LINGO3: variants seen among roughly 807,000 people sequenced by gnomAD.
The protein encoded by LINGO3 is leucine-rich repeat and immunoglobulin-like domain-containing nogo receptor-interacting protein 3.
For missense variants in LINGO3, 750 were observed against 867.7 expected (o/e 0.86, Z 1.70); for synonymous variants, 427 against 444.2 (o/e 0.96, Z 0.49).
the LINGO3 span, among the ~76,000 whole-genome samples, chr19:2,300,044 T>TTC: frequency 4.7e-5 from 7 of 147,862 alleles, no homozygotes; most frequent in Admixed American, 2.0e-4. Context: ...TTTTTTTTTT[T>TTC]TATTGAGTCG....
chr19:2,296,911 A>AC (rs2025577929), upstream of LINGO3, among the ~76,000 whole-genome samples: 1 of 145,108 alleles, frequency 6.9e-6, no homozygotes, highest in South Asian at 2.5e-4. Flanking sequence ...ACATGGTGAA[A>AC]CCCCGTCTCT....
Position 2,290,605 on chromosome 19 carries a change from C to T in LINGO3, c.1172G>A (p.Arg391Gln). The T allele has an allele frequency of 6.3e-7, 1 of 1,587,346 alleles. No homozygotes were observed. Among genetic ancestry groups the T allele is most frequent in the Non-Finnish European group, 8.5e-7 (1 of 1,172,040 alleles). The change falls in exon 1 of 1, where the codon CGA (arginine) becomes CAA (glutamine). Residue 391 changes from arginine (R) to glutamine (Q), a missense_variant. Arg to Gln is a conservative substitution (Grantham distance 43). Coordinates refer to ENST00000585527, the Ensembl canonical transcript of LINGO3. The surrounding 1 kb of genome is among the most constrained non-coding windows in gnomAD (Gnocchi z 6.0). Reference sequence around the variant, plus strand: ...GAACAGCACGGAGTCCGGCAGGTTTCGCAGCGCGTCGCCGCGCACCTCGGC... The same window carrying T: ...GAACAGCACGGAGTCCGGCAGGTTTTGCAGCGCGTCGCCGCGCACCTCGGC...
the LINGO3 span, among the ~76,000 whole-genome samples, chr19:2,299,526 C>T: frequency 6.6e-6 from 1 of 151,058 alleles, no homozygotes; most frequent in African/African-American, 2.4e-5. Flanking sequence ...CATGTTCAAG[C>T]AATTCTCCTG....
the LINGO3 span, among the ~76,000 whole-genome samples, chr19:2,305,494 C>T: frequency 1.3e-5 from 2 of 152,168 alleles, no homozygotes; most frequent in Non-Finnish European, 1.5e-5. Context: ...CTTCCCTCAG[C>T]TCCTGGCTAA....
At chr19:2,297,866 A>C in the LINGO3 span, among the ~76,000 whole-genome samples, 1 of 151,578 alleles carries the variant, frequency 6.6e-6, no homozygotes, top group East Asian at 1.9e-4. Flanking sequence ...CGGCCTCCCA[A>C]AGTGCTGGAA....
chr19:2,303,327 C>T, the LINGO3 span, among the ~76,000 whole-genome samples: 1 of 148,054 alleles, frequency 6.8e-6, no homozygotes, highest in African/African-American at 2.5e-5. Context: ...CTGAAAAAAG[C>T]GCTGAGGAGC....
upstream of LINGO3, among the ~76,000 whole-genome samples, chr19:2,292,650 C>T (rs909309161): frequency 4.6e-5 from 7 of 151,150 alleles, no homozygotes; most frequent in South Asian, 2.1e-4. Context: ...CCACCACGTC[C>T]GGCTAATTTT....
In LINGO3 at chr19:2,290,759, A is replaced by G; in HGVS notation, c.1018T>C (p.Ser340Pro). 6.2e-7 allele frequency: 1 copy of G among 1,612,642 alleles called. No individual in the cohort carries two copies. The highest frequency in any genetic ancestry group is 8.5e-7 in the Non-Finnish European group (1 of 1,179,592). ...CGCAGCGTCTCTAGCGTGTTCACCGAGTGGAAGGTGCTCTCCTCCAACGTG... is the reference window on the plus strand; with the variant it reads ...CGCAGCGTCTCTAGCGTGTTCACCGGGTGGAAGGTGCTCTCCTCCAACGTG... The change falls in exon 1 of 1, where the codon TCG (serine) becomes CCG (proline). Residue 340 changes from serine to proline, a missense_variant. Ser to Pro is a moderately conservative substitution (Grantham distance 74). Coordinates refer to ENST00000585527, the Ensembl canonical transcript of LINGO3. The surrounding 1 kb of genome is among the most constrained non-coding windows in gnomAD (Gnocchi z 6.0).
Position 2,291,826 on chromosome 19 carries a change from C to T in LINGO3, c.-50G>A, listed in dbSNP as rs2025527640. 4.2e-6 allele frequency: 6 copies of T among 1,426,094 alleles called. No individual in the cohort carries two copies. The highest frequency in any genetic ancestry group is 2.2e-4 in the Middle Eastern group (1 of 4,462). 88.3% of individuals were successfully genotyped at this position (1,426,094 alleles called of 1,614,324 possible). A position where few individuals can be genotyped will look rare whatever the true frequency, so the allele number is the denominator to read the frequency against. On this transcript the variant is annotated 5_prime_UTR_variant, in exon 1 of 1. Coordinates refer to ENST00000585527, the Ensembl canonical transcript of LINGO3. ...GCGCCACCATCCTCCTGCGCACCTGCGGGCGGGCGGGGAGCGGGCAGCGTT... is the reference window on the plus strand; with the variant it reads ...GCGCCACCATCCTCCTGCGCACCTGTGGGCGGGCGGGGAGCGGGCAGCGTT...
chr19:2,290,183 C>T lies in LINGO3; in HGVS notation c.1594G>A (p.Ala532Thr), dbSNP rs1363532354. Residue 532 changes from alanine to threonine, a missense_variant, in exon 1 of 1, where the codon GCC becomes ACC. Coordinates refer to ENST00000585527, the Ensembl canonical transcript of LINGO3. This position sits in a 1 kb window ranked among gnomAD's most constrained non-coding sequence, Gnocchi z 6.0. Reference sequence around the variant, plus strand: ...CCCAGGAAGGTGATGCAGCCCATGGCGGTGGACACCAGGATGGTGGTGAGG... The same window carrying T: ...CCCAGGAAGGTGATGCAGCCCATGGTGGTGGACACCAGGATGGTGGTGAGG... 3 of 1,611,910 alleles carry T rather than the reference C, an allele frequency of 1.9e-6. No individual in the cohort carries two copies. The highest frequency in any genetic ancestry group is 8.5e-7 in the Non-Finnish European group (1 of 1,179,516).
chr19:2,291,545 G>GCAGCGCGGC, exon 1 of LINGO3: 1 of 1,599,996 alleles, frequency 6.3e-7, no homozygotes, highest in Non-Finnish European at 8.5e-7. Flanking sequence ...TCCAGCGCGG[G>GCAGCGCGGC]CAGCGCGGCC....
chr19:2,305,540 A>G, the LINGO3 span, among the ~76,000 whole-genome samples: 2 of 151,932 alleles, frequency 1.3e-5, no homozygotes, highest in Admixed American at 1.3e-4. Flanking sequence ...CTCTATTCTG[A>G]GCAGGGCTCT....
At chr19:2,302,638 C>T in the LINGO3 span, among the ~76,000 whole-genome samples, 6 of 152,274 alleles carry the variant, frequency 3.9e-5, no homozygotes, top group East Asian at 3.9e-4. Context: ...GTGGCGGGCT[C>T]GGTGAGCTCT....
At chr19:2,295,460 C>G (rs541528159), upstream of LINGO3, among the ~76,000 whole-genome samples, 1 of 152,324 alleles carries the variant, frequency 6.6e-6, no homozygotes, top group South Asian at 2.1e-4. Flanking sequence ...TCTTGCCCGG[C>G]GCGGTGGCTC....
upstream of LINGO3, among the ~76,000 whole-genome samples, chr19:2,295,387 A>G (rs1216706275): frequency 6.6e-6 from 1 of 152,116 alleles, no homozygotes; most frequent in African/African-American, 2.4e-5. Context: ...AAAGCCCCCA[A>G]AGGAAGCTGG....
At chr19:2,287,255 G>C (rs1161639910), downstream of LINGO3, among the ~76,000 whole-genome samples, 1 of 152,058 alleles carries the variant, frequency 6.6e-6, no homozygotes, top group Non-Finnish European at 1.5e-5. This position sits in a 1 kb window ranked among gnomAD's most constrained non-coding sequence, Gnocchi z 4.5. Flanking sequence ...GTTCATGTTG[G>C]GATGGGGTGG....
At chr19:2,300,626 C>T in the LINGO3 span, among the ~76,000 whole-genome samples, 5 of 152,036 alleles carry the variant, frequency 3.3e-5, no homozygotes, top group South Asian at 4.1e-4. Flanking sequence ...AGCGTAACCC[C>T]GGCCACGCGG....
exon 1 of LINGO3, chr19:2,291,915 G>T (rs773106647): frequency 8.3e-6 from 6 of 720,864 alleles, no homozygotes; most frequent in Admixed American, 2.1e-5. Flanking sequence ...GTCCCAGCAC[G>T]GCGGCTCGCT....
the LINGO3 span, among the ~76,000 whole-genome samples, chr19:2,305,422 G>A: frequency 1.0e-3 from 152 of 152,168 alleles, no homozygotes; most frequent in Admixed American, 2.0e-3. Flanking sequence ...GTGAGTGGCC[G>A]GGGTCCCTCC....
Sources: gnomAD v4.1 joint callset for allele counts (sites outside exome capture counted in the v4.1 genomes callset) on GRCh38, gnomAD v4.1.1 for gene constraint, Gnocchi (gnomAD v3.1) non-coding constraint, MANE v1.5 for transcripts, NCBI Gene and HGNC (gene_info 2026-07-23, HGNC 2026-07-21) for gene names.